The following SNX3 variants were observed in gnomAD, a reference collection of about 807,000 sequenced individuals.
The protein encoded by SNX3 is sorting nexin-3.
A neutral mutation model predicts 17.7 loss-of-function variants in SNX3; 5 were observed. That is an observed-to-expected ratio of 0.28 (90% CI 0.15 to 0.59). The LOEUF is 0.59. Among genes scored for constraint, SNX3 ranks in the 20% least tolerant of loss-of-function variants. SNX3 has a pLI of 0.88. For missense variants in SNX3, 132 were observed against 206.8 expected, an observed-to-expected ratio of 0.64 and a Z score of 2.22; for synonymous variants, 91 against 76.5, an observed-to-expected ratio of 1.19 and a Z score of -0.99.
chr6:108,248,601 T>C (rs1775760283), intron 1 of SNX3, among the ~76,000 whole-genome samples: 1 of 152,212 alleles, frequency 6.6e-6, no homozygotes, highest in South Asian at 2.1e-4. Flanking sequence ...ATAAGAATCA[T>C]GCTGAGGTCT....
intron 2 of SNX3, among the ~76,000 whole-genome samples, chr6:108,219,768 TA>T (rs1774698781): frequency 6.6e-6 from 1 of 152,220 alleles, no homozygotes; most frequent in Non-Finnish European, 1.5e-5. Flanking sequence ...TCCCTATAAA[TA>T]CATGGGTCAA....
rs138109266 is a variant in SNX3 at position 108,254,852 on chromosome 6, C to T, written c.162+5908G>A. On this transcript the variant is annotated intron_variant, in intron 1 of 3. Transcript: ENST00000230085. ...ATGAGGCTCTTAAAGGAAGCCTGTTCTTAACAGAGGAGGAAGTGTGTGCAA... is the reference window on the plus strand; with the variant it reads ...ATGAGGCTCTTAAAGGAAGCCTGTTTTTAACAGAGGAGGAAGTGTGTGCAA... 1.9e-3 allele frequency among the ~76,000 whole-genome samples: 283 copies of T among 152,242 alleles called. 2 individuals are homozygous for T. Among genetic ancestry groups the T allele is most frequent in the African/African-American group, 6.6e-3 (273 of 41,536 alleles).
At chr6:108,231,024 T>C (rs1775130487) in intron 1 of SNX3, among the ~76,000 whole-genome samples, 1 of 151,704 alleles carries the variant, frequency 6.6e-6, no homozygotes, top group Non-Finnish European at 1.5e-5. Flanking sequence ...AGGGTCTCCC[T>C]GTGTTGCCAA....
chr6:108,256,102 C>T (rs1012940994), intron 1 of SNX3, among the ~76,000 whole-genome samples: 6 of 152,100 alleles, frequency 3.9e-5, no homozygotes, highest in East Asian at 1.9e-4. Flanking sequence ...TGGTGGTATG[C>T]GCCTGTGGTC....
At chr6:108,225,370 G>A (rs1474433821) in intron 1 of SNX3, among the ~76,000 whole-genome samples, 1 of 152,136 alleles carries the variant, frequency 6.6e-6, no homozygotes, top group Non-Finnish European at 1.5e-5. Flanking sequence ...AGGCCGAGGT[G>A]GGCCGATCAC....
At position 108,258,355 on chromosome 6, in the gene SNX3, G is replaced by A. The variant is rs545636181; in HGVS notation, c.162+2405C>T. On this transcript the variant is annotated intron_variant, in intron 1 of 3. Coordinates refer to ENST00000230085, the MANE Select transcript of SNX3 (RefSeq NM_003795.6). The stretch of plus-strand genomic sequence containing the variant: ...TGCCTGTAATCCCAGCTACTCAGGA[G>A]GCTGAGGCAGGAGAATCACTTGAAC... 2.0e-5 allele frequency among the ~76,000 whole-genome samples: 3 copies of A among 152,110 alleles called. No individual in the cohort carries two copies. In the South Asian group the frequency reaches 6.2e-4, roughly 32 times the overall value.
At chr6:108,238,413 G>A (rs1775418470) in intron 1 of SNX3, among the ~76,000 whole-genome samples, 1 of 152,100 alleles carries the variant, frequency 6.6e-6, no homozygotes. Context: ...AGGCTTTAAA[G>A]CTAACAAAAA....
chr6:108,216,709 C>T (rs927863701), intron 2 of SNX3, among the ~76,000 whole-genome samples: 2 of 152,138 alleles, frequency 1.3e-5, no homozygotes, highest in Non-Finnish European at 2.9e-5. Flanking sequence ...GATATAGTTT[C>T]TACAACGAGT....
In SNX3 at chr6:108,245,950, C is replaced by A. The variant is rs140741890; in HGVS notation, c.162+14810G>T. Among the ~76,000 whole-genome samples the A allele has an allele frequency of 7.7e-3, 1,173 of 152,230 alleles. 15 individuals are homozygous for A. Among genetic ancestry groups the A allele is most frequent in the African/African-American group, 0.027 (1,118 of 41,534 alleles). On this transcript the variant is annotated intron_variant, in intron 1 of 3. Coordinates refer to ENST00000230085, the MANE Select transcript of SNX3 (RefSeq NM_003795.6). ...CTGTGCTGAAGCTCTTTAATTAGATCCCATTTGTCAATTTTGGCTTTTGTT... is the reference window on the plus strand; with the variant it reads ...CTGTGCTGAAGCTCTTTAATTAGATACCATTTGTCAATTTTGGCTTTTGTT...
intron 2 of SNX3, among the ~76,000 whole-genome samples, chr6:108,217,389 G>A (rs1774621194): frequency 6.6e-6 from 1 of 152,082 alleles, no homozygotes; most frequent in Non-Finnish European, 1.5e-5. Context: ...AATCATAAAT[G>A]GCTCATCCAG....
chr6:108,222,461 T>C, intron 2 of SNX3: 1 of 731,416 alleles, frequency 1.4e-6, no homozygotes, highest in Non-Finnish European at 2.0e-6. Flanking sequence ...ATCATGGCCA[T>C]CATTTAAAAA....
At chr6:108,258,031 T>C (rs1297061187) in intron 1 of SNX3, among the ~76,000 whole-genome samples, 1 of 152,098 alleles carries the variant, frequency 6.6e-6, no homozygotes, top group Admixed American at 6.5e-5. Context: ...AAAACTCAAT[T>C]AGGTTTTCAC....
In SNX3 at chr6:108,223,646, C is replaced by G. The variant is rs982526052; in HGVS notation, c.163-601G>C. Among the ~76,000 whole-genome samples the G allele has an allele frequency of 2.6e-5, 4 of 151,690 alleles. No homozygotes were observed. In the East Asian group the frequency reaches 7.7e-4, roughly 29 times the overall value. The stretch of plus-strand genomic sequence containing the variant: ...CCAAGTAGCTGGGATTACAGGCACT[C>G]GCCACCAGGCCTGGCTAATTTTCTT... On this transcript the variant is annotated intron_variant, in intron 1 of 3. Coordinates refer to ENST00000230085, the MANE Select transcript of SNX3 (RefSeq NM_003795.6).
At chr6:108,255,592 T>G (rs920413976) in intron 1 of SNX3, among the ~76,000 whole-genome samples, 1 of 152,162 alleles carries the variant, frequency 6.6e-6, no homozygotes, top group East Asian at 1.9e-4. Flanking sequence ...GCTCAAGTAG[T>G]CCTCCCACCT....
At chr6:108,213,684 C>A (rs908753587) in intron 3 of SNX3, among the ~76,000 whole-genome samples, 2 of 151,838 alleles carry the variant, frequency 1.3e-5, no homozygotes, top group African/African-American at 4.8e-5. Flanking sequence ...TATAGTACTG[C>A]CTTCTCCAAA....
At chr6:108,248,615 C>T (rs1390862074) in intron 1 of SNX3, among the ~76,000 whole-genome samples, 5 of 152,178 alleles carry the variant, frequency 3.3e-5, no homozygotes. Context: ...GAGGTCTAAA[C>T]AAAAACGCTC....
chr6:108,235,515 T>C (rs1186167726), intron 1 of SNX3, among the ~76,000 whole-genome samples: 1 of 152,200 alleles, frequency 6.6e-6, no homozygotes, highest in Admixed American at 6.5e-5. Flanking sequence ...ACTGAAGCAA[T>C]AACCTGACTT....
At chr6:108,216,157 G>A (rs2114705913) in intron 2 of SNX3, among the ~76,000 whole-genome samples, 1 of 152,142 alleles carries the variant, frequency 6.6e-6, no homozygotes, top group African/African-American at 2.4e-5. Context: ...GCTCGCTGCA[G>A]CCTCCCCCAG....
chr6:108,244,496 T>G (rs142565991), intron 1 of SNX3, among the ~76,000 whole-genome samples: 62 of 152,188 alleles, frequency 4.1e-4, no homozygotes, highest in African/African-American at 1.3e-3. Flanking sequence ...TGTGGTAAAA[T>G]ATACATAATA....
Sources: gnomAD v4.1 joint callset for allele counts (sites outside exome capture counted in the v4.1 genomes callset) on GRCh38, gnomAD v4.1.1 for gene constraint, MANE v1.5 for transcripts, NCBI Gene and HGNC (gene_info 2026-07-23, HGNC 2026-07-21) for gene names.